DPP10: variants seen among roughly 807,000 people sequenced by gnomAD.
DPP10 encodes the protein inactive dipeptidyl peptidase 10.
A neutral mutation model predicts 120.9 loss-of-function variants in DPP10; 33 were observed. The observed-to-expected ratio is 0.27, with a 90% CI of 0.21 to 0.37. DPP10 has a LOEUF of 0.37. Ranked by LOEUF, DPP10 falls within the 10% of genes least tolerant of loss-of-function variation. DPP10 has a pLI of 1.00. For synonymous variants in DPP10, 337 were observed against 326.1 expected (o/e 1.03, Z -0.36); for missense variants, 816 against 942.8 (o/e 0.87, Z 1.76).
chr2:114,899,528 T>G (rs1693360715), intron 1 of DPP10, among the ~76,000 whole-genome samples: 1 of 152,242 alleles, frequency 6.6e-6, no homozygotes, highest in South Asian at 2.1e-4. Flanking sequence ...TTGCTTTCAT[T>G]ATACTTTTAC....
At chr2:115,321,792 G>A (rs2062077073) in intron 2 of DPP10, among the ~76,000 whole-genome samples, 1 of 151,576 alleles carries the variant, frequency 6.6e-6, no homozygotes, top group Non-Finnish European at 1.5e-5. Flanking sequence ...TCTTTCTTCT[G>A]CCTGCTCAAA....
chr2:115,414,505 T>C (rs1394961699), intron 3 of DPP10, among the ~76,000 whole-genome samples: 1 of 152,214 alleles, frequency 6.6e-6, no homozygotes, highest in Non-Finnish European at 1.5e-5. Flanking sequence ...CAGAGAAGTC[T>C]ATTATGTGTT....
intron 1 of DPP10, among the ~76,000 whole-genome samples, chr2:114,827,605 T>C (rs890149425): frequency 3.3e-5 from 5 of 152,188 alleles, no homozygotes; most frequent in Admixed American, 3.3e-4. Flanking sequence ...TATTAATTGT[T>C]ACTTGCTTTG....
intron 1 of DPP10, among the ~76,000 whole-genome samples, chr2:115,112,528 T>C (rs4289207): frequency 0.59 from 89,119 of 151,982 alleles, 26,339 homozygotes; most frequent in East Asian, 0.67. Context: ...TTAACATATG[T>C]GTTACCTCTC....
At chr2:115,195,815 A>G (rs993175770) in intron 1 of DPP10, among the ~76,000 whole-genome samples, 6 of 152,106 alleles carry the variant, frequency 3.9e-5, no homozygotes, top group African/African-American at 1.4e-4. Flanking sequence ...TCCCTCCACA[A>G]AGCAACAGGG....
intron 1 of DPP10, among the ~76,000 whole-genome samples, chr2:115,179,941 A>G (rs1364118217): frequency 6.6e-6 from 1 of 152,210 alleles, no homozygotes; most frequent in Admixed American, 6.5e-5. Flanking sequence ...ATTTCTTTTA[A>G]GATTCTGTAG....
chr2:114,483,575 T>G (rs1266020498), intron 1 of DPP10, among the ~76,000 whole-genome samples: 1 of 151,982 alleles, frequency 6.6e-6, no homozygotes, highest in Non-Finnish European at 1.5e-5. Context: ...GCCAGAACTT[T>G]CAAAATAAAA....
chr2:115,538,258 TTAGGTGTA>T (rs1487844120), intron 5 of DPP10, among the ~76,000 whole-genome samples: 2 of 151,908 alleles, frequency 1.3e-5, no homozygotes, highest in East Asian at 3.9e-4. Flanking sequence ...TGAATACTAG[TTAGGTGTA>T]GTGAGGTTAG....
intron 4 of DPP10, among the ~76,000 whole-genome samples, chr2:115,519,798 T>C (rs1379937957): frequency 1.3e-5 from 2 of 152,172 alleles, no homozygotes; most frequent in East Asian, 3.8e-4. Flanking sequence ...CTCCTCCACT[T>C]ATGGTCCACT....
At chr2:114,455,417 C>T (rs61307728) in intron 1 of DPP10, among the ~76,000 whole-genome samples, 39,681 of 151,764 alleles carry the variant, frequency 0.26, 6,445 homozygotes, top group Admixed American at 0.39. Flanking sequence ...TGGTGTCTCA[C>T]GCCTGTAGTC....
rs1349879366 is a variant in DPP10, at chr2:115,840,311, GTTTTTTGGTTTT to G, written c.2183-432_2183-421del. On this transcript the variant is annotated intron_variant, in intron 24 of 25. Coordinates refer to ENST00000410059, the MANE Select transcript of DPP10 (RefSeq NM_020868.6). ...CTTTCTACCTAAAGCCAGATATAAG[GTTTTTTGGTTTT>G]TTTTTTTTTTTTTTTTTTGAGACGG... is the stretch of plus-strand genomic sequence containing the variant. Among the ~76,000 whole-genome samples, 2 of 33,242 alleles carry G rather than the reference GTTTTTTGGTTTT, an allele frequency of 6.0e-5. 1 individual carries two copies. The highest frequency in any genetic ancestry group is 1.4e-4 in the Non-Finnish European group (2 of 14,786). The allele number at this position is 33,242 out of a possible 152,430, so 21.8% of individuals were successfully genotyped here.
At chr2:115,356,916 A>G (rs1214677060) in intron 3 of DPP10, among the ~76,000 whole-genome samples, 1 of 152,068 alleles carries the variant, frequency 6.6e-6, no homozygotes, top group Non-Finnish European at 1.5e-5. Context: ...TGGTAGTTCT[A>G]TTTTTAGTTA....
At chr2:114,897,640 C>T (rs1456240474) in intron 1 of DPP10, among the ~76,000 whole-genome samples, 1 of 151,454 alleles carries the variant, frequency 6.6e-6, no homozygotes, top group African/African-American at 2.4e-5. Flanking sequence ...TGAACTCAAA[C>T]AAATTTACAA....
intron 1 of DPP10, among the ~76,000 whole-genome samples, chr2:115,167,873 C>A (rs2053018161): frequency 6.6e-6 from 1 of 152,088 alleles, no homozygotes; most frequent in Non-Finnish European, 1.5e-5. Flanking sequence ...TGTAAGAAGT[C>A]AGGCTAAAAG....
intron 1 of DPP10, among the ~76,000 whole-genome samples, chr2:115,283,923 A>G (rs969489063): frequency 1.3e-5 from 2 of 152,074 alleles, no homozygotes; most frequent in Non-Finnish European, 2.9e-5. Flanking sequence ...GCTAGACTGT[A>G]TGGCTCAGGT....
At chr2:115,664,288 A>G (rs1426096066) in intron 5 of DPP10, among the ~76,000 whole-genome samples, 1 of 151,974 alleles carries the variant, frequency 6.6e-6, no homozygotes, top group Non-Finnish European at 1.5e-5. Context: ...AAGAATTACA[A>G]ATAATTACCA....
intron 1 of DPP10, among the ~76,000 whole-genome samples, chr2:114,799,949 A>G (rs915341978): frequency 6.6e-6 from 1 of 152,244 alleles, no homozygotes; most frequent in African/African-American, 2.4e-5. Context: ...GCATTTTGAG[A>G]AGGCAAAGCA....
intron 1 of DPP10, among the ~76,000 whole-genome samples, chr2:114,900,066 T>C (rs1693422733): frequency 6.6e-6 from 1 of 152,256 alleles, no homozygotes; most frequent in African/African-American, 2.4e-5. Context: ...ACAATTTTTA[T>C]ATCTGTTTTA....
chr2:115,732,124 A>G (rs1210848255), intron 8 of DPP10, among the ~76,000 whole-genome samples: 1 of 152,200 alleles, frequency 6.6e-6, no homozygotes, highest in South Asian at 2.1e-4. Flanking sequence ...ATTACTTTAC[A>G]GGAGTCAATT....
Sources: allele counts gnomAD v4.1 joint callset (sites outside exome capture counted in the v4.1 genomes callset), GRCh38; gene constraint gnomAD v4.1.1; transcripts MANE v1.5; gene names NCBI Gene and HGNC (gene_info 2026-07-23, HGNC 2026-07-21).